The following SEMA5B variants were observed in gnomAD, a reference collection of about 807,000 sequenced individuals.
The protein encoded by SEMA5B is semaphorin 5B, also known as semaphorin-5B.
Under a neutral mutation model 135.0 loss-of-function variants are expected in SEMA5B, and 66 were observed. The ratio of observed to expected loss-of-function variants is 0.49; its 90% CI spans 0.40 to 0.60. SEMA5B has a LOEUF of 0.60. Ranked by LOEUF, SEMA5B falls within the 20% of genes least tolerant of loss-of-function variation. The pLI, the probability that SEMA5B is intolerant of heterozygous loss-of-function variation, is 0.00. For synonymous variants in SEMA5B, 690 were observed against 639.5 expected, an observed-to-expected ratio of 1.08 and a Z score of -1.19; for missense variants, 1,501 against 1,566.3, an observed-to-expected ratio of 0.96 and a Z score of 0.70.
intron 1 of SEMA5B, chr3:122,975,245 C>G (rs1425802947): frequency 6.6e-6 from 1 of 152,490 alleles, no homozygotes; most frequent in African/African-American, 2.4e-5. Flanking sequence ...CCCTGCCTGC[C>G]AGGAGAGCTG....
At chr3:122,940,230 C>CA (rs1178576478) in intron 4 of SEMA5B, among the ~76,000 whole-genome samples, 5 of 152,208 alleles carry the variant, frequency 3.3e-5, no homozygotes, top group African/African-American at 1.2e-4. Flanking sequence ...TATTGAGTAT[C>CA]ATAAGTGTCA....
At chr3:122,939,564 G>A in intron 4 of SEMA5B, 94 bp from the exon 5 acceptor site, 1 of 930,244 alleles carries the variant, frequency 1.1e-6, no homozygotes. Flanking sequence ...GGGACGCCAG[G>A]ACTGGGTGCT....
At chr3:123,001,813 C>T (rs1311379762) in intron 1 of SEMA5B, among the ~76,000 whole-genome samples, 1 of 152,186 alleles carries the variant, frequency 6.6e-6, no homozygotes, top group Non-Finnish European at 1.5e-5. Flanking sequence ...TGACATTCCT[C>T]AGGCACTTAT....
intron 5 of SEMA5B, among the ~76,000 whole-genome samples, chr3:122,934,387 T>A (rs2107673927): frequency 6.6e-6 from 1 of 152,246 alleles, no homozygotes; most frequent in South Asian, 2.1e-4. Context: ...GAATCTAAAT[T>A]GAATGAAGTT....
intron 1 of SEMA5B, among the ~76,000 whole-genome samples, chr3:122,979,015 G>A (rs759113638): frequency 2.6e-4 from 39 of 152,246 alleles, no homozygotes; most frequent in Admixed American, 5.9e-4. Flanking sequence ...CAGTGGCTCC[G>A]AAGGCGGTTC....
intron 1 of SEMA5B, among the ~76,000 whole-genome samples, chr3:123,011,111 G>A (rs1235596185): frequency 6.6e-6 from 1 of 152,158 alleles, no homozygotes; most frequent in Non-Finnish European, 1.5e-5. Flanking sequence ...TCATGTAACA[G>A]CTGAGCCCCT....
At position 122,913,863 on chromosome 3, in the gene SEMA5B, C is replaced by T. The variant is rs770262806; in HGVS notation, c.2127G>A (p.Glu709=). ...GCAAGCCTGTTCTCCCTCACCGTTC[C>T]TCCCGGCTCTTGCCCACGCAGATGC... The part of the protein sequence containing the change: ...GGRICVGKSR[E]ERFCNENTPC... Residue 709 remains glutamate (E), a synonymous_variant, in exon 15 of 23, where the codon GAG becomes GAA. Transcript: ENST00000357599. 2 of 1,604,584 alleles carry T rather than the reference C, an allele frequency of 1.2e-6. No individual in the cohort carries two copies. Among genetic ancestry groups the T allele is most frequent in the Admixed American group, 1.7e-5 (1 of 59,256 alleles).
chr3:122,982,055 G>C (rs1217224350), intron 1 of SEMA5B, among the ~76,000 whole-genome samples: 1 of 152,190 alleles, frequency 6.6e-6, no homozygotes, highest in Non-Finnish European at 1.5e-5. Context: ...TTAGAGAGAG[G>C]TTGGGAGCCA....
At chr3:122,995,203 C>A (rs1328005054) in intron 1 of SEMA5B, among the ~76,000 whole-genome samples, 1 of 152,146 alleles carries the variant, frequency 6.6e-6, no homozygotes, top group Non-Finnish European at 1.5e-5. Context: ...GAGAGAGCTG[C>A]TTGCCTGGGA....
intron 1 of SEMA5B, among the ~76,000 whole-genome samples, chr3:123,024,211 G>T (rs1054484046): frequency 6.6e-6 from 1 of 152,202 alleles, no homozygotes; most frequent in Non-Finnish European, 1.5e-5. Context: ...GTTATGGTCA[G>T]TGTTCAAATA....
At chr3:122,973,016 C>A (rs1047914207) in intron 1 of SEMA5B, among the ~76,000 whole-genome samples, 6 of 152,190 alleles carry the variant, frequency 3.9e-5, no homozygotes, top group Non-Finnish European at 7.3e-5. Flanking sequence ...TGTGGGAGAA[C>A]CCCTACAGAT....
intron 2 of SEMA5B, among the ~76,000 whole-genome samples, chr3:122,959,063 A>G (rs1940464668): frequency 6.6e-6 from 1 of 152,202 alleles, no homozygotes; most frequent in Non-Finnish European, 1.5e-5. Context: ...AGATGAAGAA[A>G]CTGAGGATGG....
In SEMA5B at chr3:122,912,373, T is replaced by C. The variant is rs779875536; in HGVS notation, c.2726-31A>G. On this transcript the variant is annotated intron_variant, in intron 18 of 22. Transcript: ENST00000357599. ...AGGGGACGGGGTGTGTGAGGGGCTG[T>C]AGGGGCAGCCAGGGCCCAAGACGGT... The C allele has an allele frequency of 4.2e-5, 64 of 1,529,942 alleles. 1 individual carries two copies. Among genetic ancestry groups the C allele is most frequent in the South Asian group, 3.6e-4 (28 of 78,072 alleles). 94.8% of individuals were successfully genotyped at this position (1,529,942 alleles called of 1,614,324 possible).
Position 122,963,425 on chromosome 3 carries a change from G to A in SEMA5B, c.-38-2124C>T, listed in dbSNP as rs543288323. Among the ~76,000 whole-genome samples, 415 of 151,544 alleles carry A rather than the reference G, an allele frequency of 2.7e-3. 3 individuals carry two copies. The highest frequency in any genetic ancestry group is 9.3e-3 in the African/African-American group (385 of 41,212). ...GGAGAATCACTTGAACCCAGGAGGC[G>A]GAGGTTGTAGTGAGCCAAGATTGTG... On this transcript the variant is annotated intron_variant, in intron 1 of 22. Coordinates refer to ENST00000357599, the MANE Select transcript of SEMA5B (RefSeq NM_001031702.4).
intron 21 of SEMA5B, 192 bp downstream of exon 21, chr3:122,911,299 C>T: frequency 6.8e-7 from 1 of 1,476,990 alleles, no homozygotes; most frequent in Non-Finnish European, 9.1e-7. Flanking sequence ...TGGGTACAGA[C>T]TGATGATGGC....
chr3:122,922,208 C>T, intron 11 of SEMA5B, 32 bp downstream of exon 11: 1 of 1,591,442 alleles, frequency 6.3e-7, no homozygotes, highest in Non-Finnish European at 8.6e-7. Flanking sequence ...CCACCCCCGA[C>T]CTGCAGTCCA....
At chr3:122,929,509 G>C (rs1451137527) in intron 5 of SEMA5B, among the ~76,000 whole-genome samples, 1 of 152,206 alleles carries the variant, frequency 6.6e-6, no homozygotes, top group African/African-American at 2.4e-5. Flanking sequence ...CTGAATGTAA[G>C]AGATTTAATT....
intron 1 of SEMA5B, among the ~76,000 whole-genome samples, chr3:122,998,815 C>T (rs1274146147): frequency 6.6e-6 from 1 of 152,228 alleles, no homozygotes; most frequent in Non-Finnish European, 1.5e-5. Flanking sequence ...GAGAGATTTA[C>T]TTCTGAGGCC....
At chr3:122,975,811 T>C (rs1436965841) in intron 1 of SEMA5B, among the ~76,000 whole-genome samples, 1 of 151,958 alleles carries the variant, frequency 6.6e-6, no homozygotes, top group African/African-American at 2.4e-5. Context: ...TTGGTCACAT[T>C]ACTCTGCTGC....
Sources: gnomAD v4.1 joint callset for allele counts (sites outside exome capture counted in the v4.1 genomes callset) on GRCh38, gnomAD v4.1.1 for gene constraint, MANE v1.5 for transcripts, NCBI Gene and HGNC (gene_info 2026-07-23, HGNC 2026-07-21) for gene names.